The following APOBEC1 variants were observed in gnomAD, a reference collection of about 807,000 sequenced individuals.
APOBEC1 encodes apolipoprotein B mRNA editing enzyme catalytic subunit 1, also known as C->U-editing enzyme APOBEC-1.
Under a neutral mutation model 26.3 loss-of-function variants are expected in APOBEC1, and 22 were observed. That is an observed-to-expected ratio of 0.84 (90% CI 0.60 to 1.19). APOBEC1 has a LOEUF of 1.19. APOBEC1 is among the 50% of genes most tolerant of loss of function. The pLI, the probability that APOBEC1 is intolerant of heterozygous loss-of-function variation, is 0.00. For missense variants in APOBEC1, 253 were observed against 289.0 expected (o/e 0.88, Z 0.90); for synonymous variants, 77 against 95.3 (o/e 0.81, Z 1.12).
intron 1 of APOBEC1, among the ~76,000 whole-genome samples, chr12:7,661,636 G>A (rs1863821592): frequency 6.6e-6 from 1 of 152,078 alleles, no homozygotes; most frequent in African/African-American, 2.4e-5. Context: ...AGAACATATG[G>A]AAAGATCCTA....
At chr12:7,665,562 T>C (rs1402905166) in intron 1 of APOBEC1, among the ~76,000 whole-genome samples, 1 of 152,158 alleles carries the variant, frequency 6.6e-6, no homozygotes, top group African/African-American at 2.4e-5. Context: ...ACTCCCAAAG[T>C]GCTGGGATTA....
At position 7,649,711 on chromosome 12, in the gene APOBEC1, G is replaced by A; in HGVS notation, c.562-15C>T. ...GGTGGAAGACTCTGGAATAAAAAAG[G>A]ATTATATTTAATCCTTAGGATGAAT... On this transcript the variant is annotated splice_polypyrimidine_tract_variant and intron_variant, in intron 4 of 4. Coordinates refer to ENST00000229304, the MANE Select transcript of APOBEC1 (RefSeq NM_001644.5). The A allele has an allele frequency of 6.4e-7, 1 of 1,571,128 alleles. No individual in the cohort carries two copies. Among genetic ancestry groups the A allele is most frequent in the Non-Finnish European group, 8.8e-7 (1 of 1,142,704 alleles).
intron 2 of APOBEC1, among the ~76,000 whole-genome samples, chr12:7,653,237 C>T (rs191789228): frequency 6.6e-6 from 1 of 152,216 alleles, no homozygotes; most frequent in East Asian, 1.9e-4. Context: ...GCCTCTGCTC[C>T]CCTCTTCTAT....
Position 7,651,809 on chromosome 12 carries a change from T to TTTTTA in APOBEC1, c.442+624_442+628dup, listed in dbSNP as rs1206940419. On this transcript the variant is annotated intron_variant, in intron 3 of 4. Coordinates refer to ENST00000229304, the MANE Select transcript of APOBEC1 (RefSeq NM_001644.5). The stretch of plus-strand genomic sequence containing the variant: ...TGCCTGTCTGATTTTTTTATTTTAT[T>TTTTTA]TTTTATTTTATTTTATTTTATTTTA... Among the ~76,000 whole-genome samples the TTTTTA allele has an allele frequency of 7.4e-3, 1,092 of 147,476 alleles. 6 individuals carry two copies. Among genetic ancestry groups the TTTTTA allele is most frequent in the Non-Finnish European group, 0.011 (708 of 66,936 alleles).
chr12:7,656,590 T>C (rs1863718368), intron 1 of APOBEC1, among the ~76,000 whole-genome samples: 1 of 152,076 alleles, frequency 6.6e-6, no homozygotes, highest in South Asian at 2.1e-4. Context: ...GGCTCTAGGG[T>C]CAGAGAAAAA....
At chr12:7,657,994 C>G (rs1297009779) in intron 1 of APOBEC1, among the ~76,000 whole-genome samples, 2 of 152,078 alleles carry the variant, frequency 1.3e-5, no homozygotes, top group Admixed American at 6.6e-5. Flanking sequence ...GATCAAAAGT[C>G]CCTAATTTCT....
intron 1 of APOBEC1, among the ~76,000 whole-genome samples, chr12:7,657,691 G>A (rs1863735608): frequency 6.6e-6 from 1 of 151,952 alleles, no homozygotes; most frequent in African/African-American, 2.4e-5. Flanking sequence ...TGGGTAAAAT[G>A]GGGAAATTTC....
chr12:7,650,642 C>T (rs1318303551), intron 4 of APOBEC1, among the ~76,000 whole-genome samples: 1 of 152,096 alleles, frequency 6.6e-6, no homozygotes, highest in East Asian at 1.9e-4. Context: ...TTATGTTGGC[C>T]AGGCTGGTCT....
chr12:7,658,045 CTGTTTTGTTT>C (rs75339711), intron 1 of APOBEC1, among the ~76,000 whole-genome samples: 1,968 of 149,690 alleles, frequency 0.013, 42 homozygotes, highest in African/African-American at 0.041. Context: ...TTGATTTGTT[CTGTTTTGTTT>C]TGTTTTGTTT....
In APOBEC1 at chr12:7,649,415, A is replaced by T; in HGVS notation, c.*132T>A. ...CCACAGAAACTGCCAGAGGTAATACATATTTATTGTTGGTTTAAGCTACAG... is the reference window on the plus strand; with the variant it reads ...CCACAGAAACTGCCAGAGGTAATACTTATTTATTGTTGGTTTAAGCTACAG... On this transcript the variant is annotated 3_prime_UTR_variant, in exon 5 of 5. Coordinates refer to ENST00000229304, the MANE Select transcript of APOBEC1 (RefSeq NM_001644.5). 1 of 922,436 alleles carries T rather than the reference A, an allele frequency of 1.1e-6. No homozygotes were observed. The highest frequency in any genetic ancestry group is 1.6e-6 in the Non-Finnish European group (1 of 611,762). 57.1% of individuals were successfully genotyped at this position (922,436 alleles called of 1,614,324 possible). A position where few individuals can be genotyped will look rare whatever the true frequency, so the allele number is the denominator to read the frequency against.
chr12:7,655,143 A>T (rs1311082987), intron 1 of APOBEC1, among the ~76,000 whole-genome samples: 1 of 152,046 alleles, frequency 6.6e-6, no homozygotes, highest in Non-Finnish European at 1.5e-5. Context: ...TGGGGAGAGG[A>T]GGTTGCAGTG....
chr12:7,659,722 C>A lies in APOBEC1; in HGVS notation c.17-5090G>T, dbSNP rs370180040. ...CAGCGGCTCATGCCTGTAATCCCAG[C>A]ACTTTGGGAGGCCGAGGTGGGCGGA... is the stretch of plus-strand genomic sequence containing the variant. On this transcript the variant is annotated intron_variant, in intron 1 of 4. Coordinates refer to ENST00000229304, the MANE Select transcript of APOBEC1 (RefSeq NM_001644.5). Among the ~76,000 whole-genome samples, 7 of 152,310 alleles carry A rather than the reference C, an allele frequency of 4.6e-5. No individual in the cohort carries two copies. The South Asian group carries it at 6.2e-4, about 14-fold the overall frequency.
In APOBEC1 at chr12:7,651,051, T is replaced by A; in HGVS notation, c.533A>T (p.Tyr178Phe). ...PQYPPLWMML[Y>F]ALELHCIILS... ...AATTATGCAGTGCAGCTCCAGTGCG[T>A]ACAACATCATCCACAGAGGTGGGTA... Residue 178 changes from tyrosine (Y) to phenylalanine (F), a missense_variant, in exon 4 of 5, where the codon TAC becomes TTC. Transcript: ENST00000229304. 6.2e-7 allele frequency: 1 copy of A among 1,613,986 alleles called. No homozygotes were observed. Among genetic ancestry groups the A allele is most frequent in the Non-Finnish European group, 8.5e-7 (1 of 1,179,818 alleles).
At chr12:7,669,040 C>G (rs6488566), upstream of APOBEC1, among the ~76,000 whole-genome samples, 2 of 151,938 alleles carry the variant, frequency 1.3e-5, no homozygotes, top group East Asian at 1.9e-4. Context: ...CCAGCACCCC[C>G]CAATTCTGTG....
chr12:7,651,673 C>T (rs546939038), intron 3 of APOBEC1, among the ~76,000 whole-genome samples: 11 of 151,310 alleles, frequency 7.3e-5, no homozygotes, highest in South Asian at 2.1e-4. Flanking sequence ...TACAGGGTTT[C>T]GCTCTGTCAC....
intron 1 of APOBEC1, among the ~76,000 whole-genome samples, chr12:7,662,978 G>A (rs1307764725): frequency 6.6e-6 from 1 of 152,166 alleles, no homozygotes; most frequent in Non-Finnish European, 1.5e-5. Flanking sequence ...ATTCAAGGGA[G>A]AGTACTGAAT....
intron 1 of APOBEC1, among the ~76,000 whole-genome samples, chr12:7,658,732 C>T (rs1863751628): frequency 6.6e-6 from 1 of 151,818 alleles, no homozygotes; most frequent in Non-Finnish European, 1.5e-5. Context: ...GCAGGTGGAT[C>T]ACCTTAGGTC....
upstream of APOBEC1, chr12:7,666,039 C>T (rs886559986): frequency 5.4e-6 from 4 of 742,426 alleles, no homozygotes; most frequent in Middle Eastern, 2.5e-4. Context: ...AACAGGGGGC[C>T]GACTGAGAGG....
rs767228938 is a variant in APOBEC1, at chr12:7,665,879, C to G, written c.-7G>C. On this transcript the variant is annotated 5_prime_UTR_variant, in exon 1 of 5. Transcript: ENST00000229304. Reference sequence around the variant, plus strand: ...TACCTTTCTCAGAAGTCATGGTGCTCTGTCTCTGGACTTCCTCCTCTGGAG... The same window carrying G: ...TACCTTTCTCAGAAGTCATGGTGCTGTGTCTCTGGACTTCCTCCTCTGGAG... The G allele has an allele frequency of 6.2e-7, 1 of 1,613,806 alleles. No individual in the cohort carries two copies. Among genetic ancestry groups the G allele is most frequent in the South Asian group, 1.1e-5 (1 of 91,068 alleles).
Sources: gnomAD v4.1 joint callset for allele counts (sites outside exome capture counted in the v4.1 genomes callset) on GRCh38, gnomAD v4.1.1 for gene constraint, MANE v1.5 for transcripts, NCBI Gene and HGNC (gene_info 2026-07-23, HGNC 2026-07-21) for gene names.